The following WDR72 variants were observed in gnomAD, a reference collection of about 807,000 sequenced individuals.
The protein encoded by WDR72 is WD repeat domain 72, also known as WD repeat-containing protein 72.
WDR72 carries 120 observed loss-of-function variants against 124.2 expected under a neutral mutation model. The ratio of observed to expected loss-of-function variants is 0.97; its 90% CI spans 0.83 to 1.12. The LOEUF is 1.12. Among genes scored for constraint, WDR72 ranks in the 50% most tolerant of loss-of-function variants. The pLI is 0.00. For missense variants in WDR72, 1,387 were observed against 1,278.8 expected (o/e 1.08, Z -1.29); for synonymous variants, 452 against 441.7 (o/e 1.02, Z -0.29).
intron 13 of WDR72, among the ~76,000 whole-genome samples, chr15:53,684,935 C>A (rs896984695): frequency 1.3e-5 from 2 of 152,104 alleles, no homozygotes; most frequent in Non-Finnish European, 2.9e-5. Context: ...GGGAGGCACC[C>A]CCCTAGCAGG....
At chr15:53,748,170 T>A (rs1469369135) in intron 1 of WDR72, among the ~76,000 whole-genome samples, 1 of 152,258 alleles carries the variant, frequency 6.6e-6, no homozygotes, top group East Asian at 1.9e-4. Context: ...TGGAGTCATC[T>A]TTGGATTAAT....
chr15:53,706,689 A>G (rs568716724), intron 9 of WDR72, among the ~76,000 whole-genome samples: 57 of 151,984 alleles, frequency 3.8e-4, no homozygotes, highest in African/African-American at 1.3e-3. Flanking sequence ...TAACATTTGT[A>G]TAGTAATTTT....
intron 18 of WDR72, among the ~76,000 whole-genome samples, chr15:53,592,146 C>T (rs1163872025): frequency 2.0e-5 from 3 of 152,010 alleles, no homozygotes; most frequent in Non-Finnish European, 2.9e-5. Flanking sequence ...TCCCACACCA[C>T]ACTAGAGAGA....
chr15:53,612,532 A>G (rs2140362377), intron 16 of WDR72, among the ~76,000 whole-genome samples: 1 of 152,112 alleles, frequency 6.6e-6, no homozygotes, highest in Middle Eastern at 3.4e-3. Context: ...AGCTAATGCA[A>G]AGGTCCTCAG....
At chr15:53,583,780 A>G (rs1308270518) in intron 18 of WDR72, among the ~76,000 whole-genome samples, 3 of 152,036 alleles carry the variant, frequency 2.0e-5, no homozygotes, top group Non-Finnish European at 2.9e-5. Context: ...GGAAAGAAAC[A>G]TAAGTCAATG....
intron 18 of WDR72, among the ~76,000 whole-genome samples, chr15:53,529,168 T>A (rs1461271762): frequency 0.027 from 2,634 of 98,304 alleles, 88 homozygotes; most frequent in African/African-American, 0.09. Flanking sequence ...ATATATATTT[T>A]TTTTTTTTTT....
chr15:53,708,554 T>C (rs1274763769), intron 9 of WDR72, among the ~76,000 whole-genome samples: 1 of 152,096 alleles, frequency 6.6e-6, no homozygotes, highest in Non-Finnish European at 1.5e-5. Flanking sequence ...GCTAAACCAC[T>C]TGAATTCAAA....
intron 3 of WDR72, among the ~76,000 whole-genome samples, chr15:53,720,287 C>T (rs2017840607): frequency 6.6e-6 from 1 of 152,076 alleles, no homozygotes; most frequent in Admixed American, 6.5e-5. Flanking sequence ...CTCTAGAACA[C>T]CAGAATGTGT....
chr15:53,562,412 G>A (rs1894155679), intron 18 of WDR72, among the ~76,000 whole-genome samples: 1 of 151,798 alleles, frequency 6.6e-6, no homozygotes, highest in Non-Finnish European at 1.5e-5. Flanking sequence ...GCAACTGAGA[G>A]TTTGTTAAAA....
rs191357341 is a variant in WDR72 at position 53,716,835 on chromosome 15, C to T, written c.261-150G>A. The T allele has an allele frequency of 1.4e-3, 942 of 681,744 alleles. 8 individuals are homozygous for T. The African/African-American group carries it at 0.015, about 11-fold the overall frequency. 42.2% of individuals were successfully genotyped at this position (681,744 alleles called of 1,614,324 possible). ...GGCAAGAAAATGTTGTGGTCATTAG[C>T]AGGGATGACATACTGTATCTGTATC... On this transcript the variant is annotated intron_variant, in intron 3 of 19. Transcript: ENST00000360509.
chr15:53,612,180 A>G (rs1335164534), intron 16 of WDR72, among the ~76,000 whole-genome samples: 1 of 152,162 alleles, frequency 6.6e-6, no homozygotes, highest in Non-Finnish European at 1.5e-5. Flanking sequence ...TCATTTGTCC[A>G]TTAATTGAAC....
intron 13 of WDR72, among the ~76,000 whole-genome samples, chr15:53,677,588 T>C (rs2016219786): frequency 6.6e-6 from 1 of 152,114 alleles, no homozygotes; most frequent in South Asian, 2.1e-4. Context: ...AGTAGTCTGG[T>C]GGTTTTATAA....
intron 13 of WDR72, among the ~76,000 whole-genome samples, chr15:53,682,838 C>A (rs950323732): frequency 4.3e-4 from 65 of 152,268 alleles, no homozygotes; most frequent in South Asian, 1.0e-3. Context: ...CAGTATTCCA[C>A]TCTACTTATA....
At chr15:53,760,934 G>C (rs1170930789), upstream of WDR72, among the ~76,000 whole-genome samples, 1 of 149,904 alleles carries the variant, frequency 6.7e-6, no homozygotes, top group East Asian at 1.9e-4. Context: ...GACCAGCCTG[G>C]TCAACATGAT....
chr15:53,752,575 C>A (rs1054269975), intron 1 of WDR72, among the ~76,000 whole-genome samples: 1 of 152,136 alleles, frequency 6.6e-6, no homozygotes, highest in Admixed American at 6.5e-5. Flanking sequence ...TCAGAAGGAA[C>A]CAACCCTGCT....
chr15:53,762,399 G>A (rs1019603083), upstream of WDR72, among the ~76,000 whole-genome samples: 1 of 152,160 alleles, frequency 6.6e-6, no homozygotes. Context: ...TGTCACAACT[G>A]ACTACCATTG....
chr15:53,532,456 A>G (rs1199018349), intron 18 of WDR72, among the ~76,000 whole-genome samples: 1 of 152,176 alleles, frequency 6.6e-6, no homozygotes, highest in Non-Finnish European at 1.5e-5. Flanking sequence ...AATATTATTC[A>G]GTCATAAAAA....
chr15:53,590,761 G>A (rs2012454489), intron 18 of WDR72, among the ~76,000 whole-genome samples: 1 of 151,974 alleles, frequency 6.6e-6, no homozygotes, highest in African/African-American at 2.4e-5. Context: ...TCAATAAAGT[G>A]GATATAACAA....
intron 13 of WDR72, among the ~76,000 whole-genome samples, chr15:53,679,076 C>A (rs58995229): frequency 0.076 from 11,509 of 152,152 alleles, 1,121 homozygotes; most frequent in African/African-American, 0.22. Flanking sequence ...TTGCATGATT[C>A]CACTTATATG....
Sources: allele counts gnomAD v4.1 joint callset (sites outside exome capture counted in the v4.1 genomes callset), GRCh38; gene constraint gnomAD v4.1.1; transcripts MANE v1.5; gene names NCBI Gene and HGNC (gene_info 2026-07-23, HGNC 2026-07-21).